CCDC7: variants seen among roughly 807,000 people sequenced by gnomAD.
CCDC7 encodes the protein coiled-coil domain containing 7.
In CCDC7, 183 loss-of-function variants were observed where a neutral mutation model predicts 196.9. The ratio of observed to expected loss-of-function variants is 0.93; its 90% CI spans 0.82 to 1.05. The LOEUF is 1.05. CCDC7 is among the 50% of genes least tolerant of loss of function. CCDC7 has a pLI of 0.00. For synonymous variants in CCDC7, 525 were observed against 484.6 expected (o/e 1.08, Z -1.10); for missense variants, 1,540 against 1,482.2 (o/e 1.04, Z -0.64).
intron 16 of CCDC7, among the ~76,000 whole-genome samples, chr10:32,580,672 T>G (rs1193292649): frequency 6.6e-6 from 1 of 152,148 alleles, no homozygotes; most frequent in African/African-American, 2.4e-5. Flanking sequence ...ATCAATAATA[T>G]TTTATTAGTA....
At chr10:32,726,432 G>C (rs2083137113) in intron 25 of CCDC7, among the ~76,000 whole-genome samples, 1 of 151,728 alleles carries the variant, frequency 6.6e-6, no homozygotes, top group African/African-American at 2.4e-5. Context: ...TTATTGTTTG[G>C]TCTATTACTG....
chr10:32,640,965 G>A (rs1005231366), intron 20 of CCDC7, among the ~76,000 whole-genome samples: 6 of 147,972 alleles, frequency 4.1e-5, no homozygotes, highest in East Asian at 4.1e-4. Context: ...ATGCTGGTGC[G>A]CTGCACCCAC....
chr10:32,532,673 G>T (rs1364035281), intron 11 of CCDC7, among the ~76,000 whole-genome samples: 1 of 152,116 alleles, frequency 6.6e-6, no homozygotes, highest in African/African-American at 2.4e-5. Context: ...TGGATGCACA[G>T]ATATTTATAG....
chr10:32,689,237 C>A, intron 23 of CCDC7, 74 bp downstream of exon 24: 1 of 998,380 alleles, frequency 1.0e-6, no homozygotes, highest in Non-Finnish European at 1.5e-6. Flanking sequence ...TGCTTTGATT[C>A]ACAAAAGTTT....
chr10:32,694,853 G>T, intron 23 of CCDC7, 26 bp from the exon 25 acceptor site: 1 of 1,354,528 alleles, frequency 7.4e-7, no homozygotes, highest in South Asian at 1.6e-5. Flanking sequence ...TTTCCATTAA[G>T]AGACTAAATG....
intron 41 of CCDC7, among the ~76,000 whole-genome samples, chr10:32,871,459 T>C (rs1382261216): frequency 2.7e-5 from 4 of 150,770 alleles, no homozygotes; most frequent in African/African-American, 7.4e-5. Context: ...CCCTTTATCA[T>C]TTTTTATTGC....
intron 28 of CCDC7, among the ~76,000 whole-genome samples, chr10:32,761,996 G>C (rs2077535569): frequency 6.6e-6 from 1 of 151,956 alleles, no homozygotes; most frequent in South Asian, 2.1e-4. Flanking sequence ...AAGTGGTTGA[G>C]CGACTCCTAC....
chr10:32,820,822 G>C (rs1321782844), intron 31 of CCDC7, among the ~76,000 whole-genome samples: 1 of 152,008 alleles, frequency 6.6e-6, no homozygotes, highest in East Asian at 1.9e-4. Context: ...AATTCAAGAT[G>C]GATTAAAGAC....
rs2094477714 is a variant in CCDC7 at position 32,872,867 on chromosome 10, C to T, written c.4112-3480C>T. Among the ~76,000 whole-genome samples, 3 of 152,146 alleles carry T rather than the reference C, an allele frequency of 2.0e-5. No individual in the cohort carries two copies. The South Asian group carries it at 6.2e-4, about 32-fold the overall frequency. On this transcript the variant is annotated intron_variant, in intron 41 of 41. Transcript: ENST00000639629. ...TCTTTAAGAATGTTGAATATTGGCC[C>T]CCACTCTCTTCTGGCTTATAGAGTT...
chr10:32,518,585 T>TA (rs1383766877), intron 11 of CCDC7, 80 bp downstream of exon 12: 1 of 1,101,252 alleles, frequency 9.1e-7, no homozygotes, highest in Non-Finnish European at 1.2e-6. Flanking sequence ...AAGAGCTATT[T>TA]AAATGTTATA....
At chr10:32,635,534 C>T (rs535419716) in intron 20 of CCDC7, among the ~76,000 whole-genome samples, 2 of 152,186 alleles carry the variant, frequency 1.3e-5, no homozygotes, top group African/African-American at 4.8e-5. Flanking sequence ...CCCATAATCC[C>T]AGCACTTTGG....
Position 32,828,485 on chromosome 10 carries a change from G to GGAAGAAGAAGAAGAAGAAGAAGAA in CCDC7, c.3268+3933_3268+3956dup, listed in dbSNP as rs68150303. On this transcript the variant is annotated intron_variant, in intron 32 of 41. Coordinates refer to ENST00000639629, the Ensembl canonical transcript of CCDC7. ...AAGAAGAGGAAGAGGAAGAGGAAGA[G>GGAAGAAGAAGAAGAAGAAGAAGAA]GAAGAAGAAGAAGAAGAAGAAGAAG... is the stretch of plus-strand genomic sequence containing the variant. Among the ~76,000 whole-genome samples the GGAAGAAGAAGAAGAAGAAGAAGAA allele has an allele frequency of 2.0e-4, 10 of 49,748 alleles. 1 individual carries two copies. Among genetic ancestry groups the GGAAGAAGAAGAAGAAGAAGAAGAA allele is most frequent in the East Asian group, 7.3e-4 (1 of 1,364 alleles). 32.6% of individuals were successfully genotyped at this position (49,748 alleles called of 152,430 possible). A position where few individuals can be genotyped will look rare whatever the true frequency, so the allele number is the denominator to read the frequency against.
intron 6 of CCDC7, among the ~76,000 whole-genome samples, chr10:32,471,827 T>C (rs542706793): frequency 6.6e-6 from 1 of 152,264 alleles, no homozygotes; most frequent in East Asian, 1.9e-4. Context: ...CTGAAAATAA[T>C]GAAGAGAGTG....
At chr10:32,859,963 C>T (rs1044991157) in intron 41 of CCDC7, among the ~76,000 whole-genome samples, 1 of 152,160 alleles carries the variant, frequency 6.6e-6, no homozygotes, top group Admixed American at 6.5e-5. Flanking sequence ...GACGGATTCA[C>T]AGCCAAATTC....
chr10:32,733,746 G>A lies in CCDC7; in HGVS notation c.2905+4289G>A, dbSNP rs2084380040. The stretch of plus-strand genomic sequence containing the variant: ...TTTCTCTATGCCTTATGGTAGTTCT[G>A]TCAAATTGGTTTATATATTTGGAAA... On this transcript the variant is annotated intron_variant, in intron 28 of 41. Coordinates refer to ENST00000639629, the Ensembl canonical transcript of CCDC7. Among the ~76,000 whole-genome samples, 3 of 152,072 alleles carry A rather than the reference G, an allele frequency of 2.0e-5. 1 individual carries two copies. The South Asian group carries it at 6.2e-4, about 32-fold the overall frequency.
chr10:32,675,929 C>G (rs1385858225), intron 21 of CCDC7: 1 of 151,634 alleles, frequency 6.6e-6, no homozygotes, highest in Non-Finnish European at 1.5e-5. Flanking sequence ...ATCACCAAGT[C>G]AATCCTAAGC....
chr10:32,488,629 A>G (rs2134385904), intron 8 of CCDC7, among the ~76,000 whole-genome samples: 1 of 151,384 alleles, frequency 6.6e-6, no homozygotes, highest in African/African-American at 2.4e-5. Context: ...CTTGGCTCCA[A>G]CCCCCCAGCA....
At chr10:32,757,812 G>A (rs898173721) in intron 28 of CCDC7, among the ~76,000 whole-genome samples, 16 of 152,152 alleles carry the variant, frequency 1.1e-4, no homozygotes, top group Middle Eastern at 3.2e-3. Context: ...ATGAATCCAG[G>A]AGCTGTTTTA....
At chr10:32,771,720 A>G (rs548751701) in intron 28 of CCDC7, among the ~76,000 whole-genome samples, 1 of 152,306 alleles carries the variant, frequency 6.6e-6, no homozygotes, top group East Asian at 1.9e-4. Context: ...GTACTTGGTT[A>G]TTGATAGCCT....
Sources: allele counts gnomAD v4.1 joint callset (sites outside exome capture counted in the v4.1 genomes callset), GRCh38; gene constraint gnomAD v4.1.1; transcripts MANE v1.5; gene names NCBI Gene and HGNC (gene_info 2026-07-23, HGNC 2026-07-21).